Variants in ANKS1B observed in about 807,000 individuals in gnomAD.
ANKS1B encodes ankyrin repeat and sterile alpha motif domain containing 1B.
A neutral mutation model predicts 148.3 loss-of-function variants in ANKS1B; 36 were observed. The observed-to-expected ratio is 0.24, with a 90% CI of 0.19 to 0.32. ANKS1B has a LOEUF of 0.32. Among genes scored for constraint, ANKS1B ranks in the 10% least tolerant of loss-of-function variants. The pLI is 1.00. For missense variants in ANKS1B, 1,157 were observed against 1,542.6 expected (o/e 0.75, Z 4.19); for synonymous variants, 542 against 560.8 (o/e 0.97, Z 0.47).
At chr12:98,841,998 T>C (rs1039641391) in intron 17 of ANKS1B, among the ~76,000 whole-genome samples, 1 of 152,178 alleles carries the variant, frequency 6.6e-6, no homozygotes, top group Admixed American at 6.5e-5. Context: ...ACAGTCACTT[T>C]TGAGGAAACT....
At chr12:99,816,799 C>A (rs1407543315) in intron 2 of ANKS1B, among the ~76,000 whole-genome samples, 2 of 151,468 alleles carry the variant, frequency 1.3e-5, no homozygotes, top group Non-Finnish European at 3.0e-5. Flanking sequence ...ACTAAATAGG[C>A]CATTTTCATC....
intron 12 of ANKS1B, among the ~76,000 whole-genome samples, chr12:99,379,048 C>T (rs755594467): frequency 3.3e-5 from 5 of 152,196 alleles, no homozygotes; most frequent in East Asian, 1.9e-4. Flanking sequence ...CCAAGAGGAA[C>T]AGTACTTGAA....
chr12:99,350,800 T>G (rs1450825801), intron 12 of ANKS1B, among the ~76,000 whole-genome samples: 1 of 152,048 alleles, frequency 6.6e-6, no homozygotes, highest in African/African-American at 2.4e-5. Flanking sequence ...AAAACCATAC[T>G]CACTTCTTAG....
At chr12:99,880,103 T>G (rs1362214024) in intron 1 of ANKS1B, among the ~76,000 whole-genome samples, 1 of 152,220 alleles carries the variant, frequency 6.6e-6, no homozygotes, top group East Asian at 1.9e-4. Flanking sequence ...AGAGTGATGA[T>G]GAGGATTAAG....
intron 9 of ANKS1B, among the ~76,000 whole-genome samples, chr12:99,538,797 G>A (rs1287756490): frequency 2.6e-5 from 4 of 152,040 alleles, no homozygotes. Flanking sequence ...TGGTGACAGT[G>A]GGCATCCTTG....
intron 1 of ANKS1B, among the ~76,000 whole-genome samples, chr12:99,908,275 T>C (rs1160862849): frequency 1.3e-5 from 2 of 152,108 alleles, no homozygotes; most frequent in African/African-American, 4.8e-5. Context: ...CAAAAGAGCA[T>C]AGCAATCATT....
At chr12:99,241,137 T>G (rs2089231961) in intron 14 of ANKS1B, among the ~76,000 whole-genome samples, 2 of 151,794 alleles carry the variant, frequency 1.3e-5, no homozygotes, top group Admixed American at 1.3e-4. Flanking sequence ...TCAACAAAAT[T>G]GATATACCAC....
chr12:99,599,390 C>A (rs953304058), intron 9 of ANKS1B, among the ~76,000 whole-genome samples: 1 of 151,796 alleles, frequency 6.6e-6, no homozygotes, highest in African/African-American at 2.4e-5. Flanking sequence ...TCAGCAGGGA[C>A]CAGATGATGA....
At chr12:99,660,716 G>A (rs1381057520) in intron 8 of ANKS1B, among the ~76,000 whole-genome samples, 1 of 152,080 alleles carries the variant, frequency 6.6e-6, no homozygotes, top group East Asian at 1.9e-4. Context: ...AGTGATCAGA[G>A]AAATGTTTTT....
intron 17 of ANKS1B, among the ~76,000 whole-genome samples, chr12:98,993,474 T>C (rs2099927832): frequency 6.6e-6 from 1 of 152,122 alleles, no homozygotes; most frequent in African/African-American, 2.4e-5. Context: ...CAGCCTGTAG[T>C]TGGTTCTTTT....
intron 8 of ANKS1B, among the ~76,000 whole-genome samples, chr12:99,720,793 C>T (rs947832434): frequency 5.9e-5 from 9 of 152,282 alleles, no homozygotes; most frequent in Non-Finnish European, 1.2e-4. Flanking sequence ...TCTAGTCATA[C>T]TCCTATTCAC....
At chr12:99,525,131 T>C (rs1212125694) in intron 9 of ANKS1B, among the ~76,000 whole-genome samples, 1 of 152,098 alleles carries the variant, frequency 6.6e-6, no homozygotes, top group Non-Finnish European at 1.5e-5. Context: ...ACTAAATGTG[T>C]GGTAATTTGT....
chr12:99,076,781 GT>G (rs1448616192), intron 16 of ANKS1B, among the ~76,000 whole-genome samples: 1 of 152,164 alleles, frequency 6.6e-6, no homozygotes, highest in Non-Finnish European at 1.5e-5. Flanking sequence ...TTATTGATAA[GT>G]TACGGGTCAG....
At chr12:98,774,581 A>C (rs75487323) in intron 24 of ANKS1B, among the ~76,000 whole-genome samples, 1 of 152,314 alleles carries the variant, frequency 6.6e-6, no homozygotes, top group Non-Finnish European at 1.5e-5. Context: ...GTTTTTTTGC[A>C]GTTGTCACAG....
intron 17 of ANKS1B, among the ~76,000 whole-genome samples, chr12:98,908,993 G>A (rs1260440892): frequency 6.6e-6 from 1 of 152,160 alleles, no homozygotes; most frequent in African/African-American, 2.4e-5. Context: ...GAGGGGCTCA[G>A]TGTCTGTTCT....
intron 17 of ANKS1B, among the ~76,000 whole-genome samples, chr12:98,885,576 C>T (rs1338152988): frequency 6.6e-6 from 1 of 152,170 alleles, no homozygotes; most frequent in Non-Finnish European, 1.5e-5. Flanking sequence ...ACCCATCAAG[C>T]CCCAGATTAT....
At chr12:99,957,677 TA>T (rs1210686572) in intron 1 of ANKS1B, among the ~76,000 whole-genome samples, 1 of 152,220 alleles carries the variant, frequency 6.6e-6, no homozygotes, top group Non-Finnish European at 1.5e-5. Flanking sequence ...TCCCAAAAAC[TA>T]GAACATGTAT....
chr12:99,754,908 A>G (rs539974929), intron 8 of ANKS1B, among the ~76,000 whole-genome samples: 32 of 152,166 alleles, frequency 2.1e-4, no homozygotes, highest in Non-Finnish European at 3.7e-4. Context: ...AAAGAGCTCA[A>G]GTTAACAACC....
intron 11 of ANKS1B, among the ~76,000 whole-genome samples, chr12:99,416,648 T>A (rs2094918294): frequency 6.6e-6 from 1 of 152,348 alleles, no homozygotes; most frequent in African/African-American, 2.4e-5. Flanking sequence ...ACATATCCTC[T>A]GCAGTAAAAC....
Sources: allele counts gnomAD v4.1 joint callset (sites outside exome capture counted in the v4.1 genomes callset), GRCh38; gene constraint gnomAD v4.1.1; transcripts MANE v1.5; gene names NCBI Gene and HGNC (gene_info 2026-07-23, HGNC 2026-07-21).